Variants in ZC3H18 observed in about 807,000 individuals in gnomAD.
ZC3H18 encodes the protein zinc finger CCCH domain-containing protein 18.
A neutral mutation model predicts 106.1 loss-of-function variants in ZC3H18; 8 were observed. That is an observed-to-expected ratio of 0.08 (90% CI 0.04 to 0.14). ZC3H18 has a LOEUF of 0.14. ZC3H18 is among the 10% of genes least tolerant of loss of function. ZC3H18 has a pLI of 1.00. For missense variants in ZC3H18, 1,318 were observed against 1,278.4 expected (o/e 1.03, Z -0.47); for synonymous variants, 635 against 522.1 (o/e 1.22, Z -2.95).
chr16:88,631,212 G>A lies in ZC3H18; in HGVS notation c.2775G>A (p.Leu925=). 6.2e-7 allele frequency: 1 copy of A among 1,613,708 alleles called. No individual in the cohort carries two copies. Among genetic ancestry groups the A allele is most frequent in the Non-Finnish European group, 8.5e-7 (1 of 1,179,994 alleles). ...CCAAATCAGGGAAGGCCAGCACGCT[G>A]TCTCGGCGGGAGGAGCTGCTGAAAC... The part of the protein sequence containing the change: ...ASTKSGKAST[L]SRREELLKQL... Residue 925 remains leucine (L), a synonymous_variant, in exon 18 of 18, where the codon CTG becomes CTA. Coordinates refer to ENST00000301011, the MANE Select transcript of ZC3H18 (RefSeq NM_144604.4).
Position 88,577,098 on chromosome 16 carries a change from T to C in ZC3H18, c.-14-12T>C. On this transcript the variant is annotated splice_polypyrimidine_tract_variant and intron_variant, in intron 1 of 17. Transcript: ENST00000301011. The stretch of plus-strand genomic sequence containing the variant: ...TGCTAAAGGCTGTCAATCTGTATTC[T>C]CTCTTTTGCAGAACCGTGGGTACCG... The C allele has an allele frequency of 1.3e-6, 2 of 1,510,226 alleles. No individual in the cohort carries two copies. Among genetic ancestry groups the C allele is most frequent in the Non-Finnish European group, 1.8e-6 (2 of 1,129,480 alleles). The allele number at this position is 1,510,226 out of a possible 1,614,324, so 93.6% of individuals were successfully genotyped here.
intron 2 of ZC3H18, among the ~76,000 whole-genome samples, chr16:88,579,197 C>T (rs796359985): frequency 1.1e-4 from 16 of 152,344 alleles, no homozygotes; most frequent in African/African-American, 3.8e-4. Context: ...AGGAAGTGGT[C>T]TCCTCAGCTA....
intron 13 of ZC3H18, 131 bp downstream of exon 13, chr16:88,625,398 G>A: frequency 9.3e-7 from 1 of 1,078,356 alleles, no homozygotes; most frequent in South Asian, 1.5e-5. Context: ...GTCACCCTGG[G>A]GCTGTGGAAG....
intron 8 of ZC3H18, among the ~76,000 whole-genome samples, chr16:88,618,865 C>G (rs1410597289): frequency 1.3e-5 from 2 of 152,176 alleles, no homozygotes; most frequent in Admixed American, 6.5e-5. Context: ...CCTGACTGGG[C>G]CATCCCTTGC....
chr16:88,577,785 G>C, intron 2 of ZC3H18, 59 bp downstream of exon 2: 4 of 1,610,398 alleles, frequency 2.5e-6, no homozygotes, highest in Non-Finnish European at 1.7e-6. Flanking sequence ...GACATAGACT[G>C]GTGCTGGAAA....
At position 88,598,642 on chromosome 16, in the gene ZC3H18, T is replaced by C; in HGVS notation, c.860T>C (p.Ile287Thr). ...TAGGGTGGGCCGGTAGTTGATGAAA[T>C]TTTGCCTCCACCCCCTCCAGAGCCC... The part of the protein sequence containing the change: ...NPWGGPVVDE[I>T]LPPPPPEPPT... Residue 287 changes from isoleucine to threonine, a missense_variant, in exon 5 of 18, where the codon ATT (isoleucine) becomes ACT (threonine). By Grantham distance (89) the Ile-to-Thr change is moderately conservative (BLOSUM62 -1). Around this residue, in one of 6 missense-constraint regions of ZC3H18, gnomAD observed 78 missense variants for 67.3 expected, o/e 1.16. Coordinates refer to ENST00000301011, the MANE Select transcript of ZC3H18 (RefSeq NM_144604.4). The C allele has an allele frequency of 6.2e-7, 1 of 1,611,360 alleles. No homozygotes were observed. The highest frequency in any genetic ancestry group is 8.5e-7 in the Non-Finnish European group (1 of 1,178,650).
At chr16:88,580,785 A>G (rs1915079901) in intron 2 of ZC3H18, among the ~76,000 whole-genome samples, 1 of 152,034 alleles carries the variant, frequency 6.6e-6, no homozygotes, top group Non-Finnish European at 1.5e-5. Flanking sequence ...CTTTCCTTTC[A>G]GTCCCTGGAA....
rs371445940 is a variant in ZC3H18 at position 88,623,253 on chromosome 16, G to A, written c.1702G>A (p.Gly568Ser). The change falls in exon 10 of 18, where the codon GGC becomes AGC. Residue 568 changes from glycine to serine, a missense_variant. Coordinates refer to ENST00000301011, the MANE Select transcript of ZC3H18 (RefSeq NM_144604.4). Reference protein sequence around the residue: ...SSRSSSYSGSGSSRSRSRSSS... With the variant: ...SSRSSSYSGSSSSRSRSRSSS... ...GCGGTCATCGTCCTACTCTGGCTCC[G>A]GCTCCTCCCGGTCGCGATCCCGGTC... The A allele has an allele frequency of 7.4e-6, 12 of 1,613,342 alleles. No homozygotes were observed. In the Admixed American group the frequency reaches 1.5e-4, roughly 20 times the overall value.
At chr16:88,614,077 C>G (rs1905429229) in intron 8 of ZC3H18, among the ~76,000 whole-genome samples, 1 of 152,232 alleles carries the variant, frequency 6.6e-6, no homozygotes, top group Non-Finnish European at 1.5e-5. Context: ...AGGGCCATGG[C>G]CTGCAGGACT....
intron 4 of ZC3H18, 128 bp downstream of exon 4, chr16:88,598,454 C>G: frequency 6.7e-7 from 1 of 1,486,840 alleles, no homozygotes; most frequent in Non-Finnish European, 9.1e-7. Flanking sequence ...TTCTGTCGTC[C>G]CGAGTGGAAG....
rs1036948872 is a variant in ZC3H18 at position 88,587,527 on chromosome 16, G to A, written c.688+843G>A. ...CATCTAAAGCTCACAAGAGCTTCCT[G>A]TACTTCTTTTCCAGATGTTGTGACA... is the stretch of plus-strand genomic sequence containing the variant. On this transcript the variant is annotated intron_variant, in intron 3 of 17. Transcript: ENST00000301011. The A allele has an allele frequency of 7.2e-6, 11 of 1,535,478 alleles. No homozygotes were observed. In the Admixed American group the frequency reaches 9.8e-5, roughly 14 times the overall value.
chr16:88,624,620 G>A lies in ZC3H18; in HGVS notation c.1917G>A (p.Lys639=), dbSNP rs1906182401. The A allele has an allele frequency of 6.2e-7, 1 of 1,613,766 alleles. No homozygotes were observed. The stretch of plus-strand genomic sequence containing the variant: ...CTCACAGAGAGAAGTCAGTGAAGAA[G>A]CCGGCCCCGCCTCCAGCCCCACCAC... ...PGKAGEKSVK[K]PAPPPAPPQA... Residue 639 remains lysine (K), a synonymous_variant, in exon 12 of 18, where the codon AAG becomes AAA. Transcript: ENST00000301011.
In ZC3H18 at chr16:88,624,629, G is replaced by A. The variant is rs1460734186; in HGVS notation, c.1926G>A (p.Pro642=). 2.9e-5 allele frequency: 46 copies of A among 1,613,732 alleles called. No homozygotes were observed. The highest frequency in any genetic ancestry group is 3.6e-5 in the Non-Finnish European group (43 of 1,179,980). Residue 642 remains proline (P), a synonymous_variant, in exon 12 of 18, where the codon CCG becomes CCA. Coordinates refer to ENST00000301011, the MANE Select transcript of ZC3H18 (RefSeq NM_144604.4). ...AGAAGTCAGTGAAGAAGCCGGCCCC[G>A]CCTCCAGCCCCACCACAGGCCACCA... The part of the protein sequence containing the change: ...AGEKSVKKPA[P]PPAPPQATKT...
In ZC3H18 at chr16:88,631,309, C is replaced by A. The variant is rs372678972; in HGVS notation, c.*10C>A. The stretch of plus-strand genomic sequence containing the variant: ...CCCCGGGAAAGCATAGGCCGTGCCC[C>A]GACCGGACTGGACGCATTTTTATAC... On this transcript the variant is annotated 3_prime_UTR_variant, in exon 18 of 18. Transcript: ENST00000301011. 2 of 1,565,312 alleles carry A rather than the reference C, an allele frequency of 1.3e-6. No homozygotes were observed. Among genetic ancestry groups the A allele is most frequent in the African/African-American group, 2.7e-5 (2 of 73,332 alleles).
At chr16:88,618,069 G>A (rs1378109322) in intron 8 of ZC3H18, among the ~76,000 whole-genome samples, 1 of 152,258 alleles carries the variant, frequency 6.6e-6, no homozygotes, top group Non-Finnish European at 1.5e-5. Flanking sequence ...CGCAGTTGCT[G>A]GTGTTTGTAT....
chr16:88,625,596 C>T, intron 13 of ZC3H18: 2 of 353,982 alleles, frequency 5.7e-6, no homozygotes, highest in Non-Finnish European at 1.1e-5. Context: ...CCGGCAGCTT[C>T]CAGCCCAGCA....
In ZC3H18 at chr16:88,625,150, G is replaced by C. The variant is rs185861308; in HGVS notation, c.2043-52G>C. ...GCTGCTGGTGGGGAGGGGAGGCCGC[G>C]AGGGGCTGTGGAGGCCACGCCCCCT... is the stretch of plus-strand genomic sequence containing the variant. On this transcript the variant is annotated intron_variant, in intron 12 of 17. Transcript: ENST00000301011. 17 of 1,547,972 alleles carry C rather than the reference G, an allele frequency of 1.1e-5. No individual in the cohort carries two copies. The Admixed American group carries it at 2.0e-4, about 18-fold the overall frequency.
rs1437561144 is a variant in ZC3H18 at position 88,623,952 on chromosome 16, C to G, written c.1794-6C>G. 10 of 1,609,170 alleles carry G rather than the reference C, an allele frequency of 6.2e-6. No individual in the cohort carries two copies. Among genetic ancestry groups the G allele is most frequent in the Non-Finnish European group, 8.5e-6 (10 of 1,176,806 alleles). On this transcript the variant is annotated splice_region_variant and splice_polypyrimidine_tract_variant and intron_variant, in intron 10 of 17. Transcript: ENST00000301011. ...CCCCTTCCGACACCTTTGTTCACTC[C>G]CCTAGGTCCCGGTCCTTCTCTTCGT...
chr16:88,577,526 C>T lies in ZC3H18; in HGVS notation c.403C>T (p.Pro135Ser). 2 of 1,613,152 alleles carry T rather than the reference C, an allele frequency of 1.2e-6. No individual in the cohort carries two copies. Among genetic ancestry groups the T allele is most frequent in the Non-Finnish European group, 1.7e-6 (2 of 1,179,858 alleles). ...TGAGCTAGACTACGATGAGGAGGTT[C>T]CTGAGGAGCCAGCTCCCGCCGTCCA... ...EHELDYDEEV[P>S]EEPAPAVQED... Residue 135 changes from proline to serine, a missense_variant, in exon 2 of 18, where the codon CCT becomes TCT. Physicochemically the swap from Pro to Ser is moderately conservative, Grantham distance 74. This residue lies in a region of ZC3H18 where 346 missense variants were observed against 269.0 expected (regional missense o/e 1.29). Coordinates refer to ENST00000301011, the MANE Select transcript of ZC3H18 (RefSeq NM_144604.4).
Sources: allele counts gnomAD v4.1 joint callset (sites outside exome capture counted in the v4.1 genomes callset), GRCh38; gene constraint gnomAD v4.1.1; regional missense constraint gnomAD v4.1.1; transcripts MANE v1.5; gene names NCBI Gene and HGNC (gene_info 2026-07-23, HGNC 2026-07-21).